HDAC6: variants seen among roughly 807,000 people sequenced by gnomAD.
HDAC6 encodes histone deacetylase 6, also known as protein deacetylase HDAC6.
A neutral mutation model predicts 88.9 loss-of-function variants in HDAC6; 5 were observed. The ratio of observed to expected loss-of-function variants is 0.06; its 90% CI spans 0.03 to 0.12. The LOEUF is 0.12. Ranked by LOEUF, HDAC6 falls within the 10% of genes least tolerant of loss-of-function variation. The probability of loss-of-function intolerance (pLI) is 1.00; values close to 1 mark genes in which losing one functional copy is unlikely to be tolerated. For missense variants in HDAC6, 706 were observed against 1,014.4 expected (o/e 0.70, Z 4.13); for synonymous variants, 378 against 398.0 (o/e 0.95, Z 0.60).
chrX:48,817,204 A>G (rs1324681775), intron 19 of HDAC6, 122 bp from the exon 20 acceptor site: 2 of 803,067 alleles, frequency 2.5e-6, no homozygotes, highest in African/African-American at 4.4e-5. Flanking sequence ...GTGAGCCGAG[A>G]TGGCGCCACT....
chrX:48,813,739 A>T (rs781964171), intron 10 of HDAC6: 1 of 111,658 alleles, frequency 9.0e-6, no homozygotes, highest in South Asian at 3.7e-4. Context: ...AAAATAGAAG[A>T]AGTAGTAGAG....
rs2062954522 is a variant in HDAC6 at position 48,814,685 on chromosome X, G to A, written c.944G>A (p.Arg315Gln). 3.3e-6 allele frequency: 4 copies of A among 1,210,357 alleles called. No individual in the cohort carries two copies. Among genetic ancestry groups the A allele is most frequent in the East Asian group, 3.0e-5 (1 of 33,803 alleles). Residue 315 changes from arginine (R) to glutamine (Q), a missense_variant, in exon 12 of 29, where the codon CGG (arginine) becomes CAG (glutamine). Arg to Gln is a conservative substitution (Grantham distance 43). This residue lies in a region of HDAC6 where 10 missense variants were observed against 36.4 expected (regional missense o/e 0.27). Transcript: ENST00000334136. The part of the protein sequence containing the change: ...INVPWNQVGM[R>Q]DADYIAAFLH... ...CTCCTGTGTCTGCAGGTGGGGATGCGGGATGCTGACTACATTGCTGCTTTC... is the reference window on the plus strand; with the variant it reads ...CTCCTGTGTCTGCAGGTGGGGATGCAGGATGCTGACTACATTGCTGCTTTC...
At chrX:48,822,583 CCCA>C in intron 23 of HDAC6, 34 bp from the exon 24 acceptor site, 1 of 1,074,631 alleles carries the variant, frequency 9.3e-7, no homozygotes, top group Non-Finnish European at 1.2e-6. Flanking sequence ...CCAATGAACC[CCCA>C]CCATACCTTT....
chrX:48,814,129 G>C (rs2062943494), intron 10 of HDAC6: 2 of 278,502 alleles, frequency 7.2e-6, no homozygotes, highest in East Asian at 8.3e-5. Flanking sequence ...GGGCACTGAG[G>C]GGGCAGCGAT....
In HDAC6 at chrX:48,823,666, G is replaced by A; in HGVS notation, c.3190-6G>A. On this transcript the variant is annotated splice_region_variant and splice_polypyrimidine_tract_variant and intron_variant, in intron 25 of 28. Transcript: ENST00000334136. ...TCTGATACATCTCTTACTTCTGCGT[G>A]TCCAGGGGGCCTCAGAATCTCAGGC... The A allele has an allele frequency of 8.3e-7, 1 of 1,201,102 alleles. No individual in the cohort carries two copies. Among genetic ancestry groups the A allele is most frequent in the Non-Finnish European group, 1.1e-6 (1 of 887,505 alleles).
Position 48,808,294 on chromosome X carries a change from A to G in HDAC6, c.774A>G (p.Gln258=). Residue 258 remains glutamine (Q), a synonymous_variant, in exon 10 of 29, where the codon CAA becomes CAG. Transcript: ENST00000334136. ...TAGATTGGGATGTGCACCACGGTCA[A>G]GGAACACAGTTCACCTTCGACCAGG... ...LIVDWDVHHG[Q]GTQFTFDQDP... is the part of the protein sequence containing the mutation. The G allele has an allele frequency of 8.3e-7, 1 of 1,208,134 alleles. No individual in the cohort carries two copies. The highest frequency in any genetic ancestry group is 1.1e-6 in the Non-Finnish European group (1 of 893,306).
rs1308996865 is a variant in HDAC6 at position 48,813,662 on chromosome X, A to G, written c.807-778A>G. On this transcript the variant is annotated intron_variant, in intron 10 of 28. Coordinates refer to ENST00000334136, the MANE Select transcript of HDAC6 (RefSeq NM_006044.4). The stretch of plus-strand genomic sequence containing the variant: ...CTTTCTGTCAAAACACGTGCATCGC[A>G]TCTTTTCAGTATCTGTTTTGCGTGT... 5.4e-5 allele frequency: 6 copies of G among 112,024 alleles called. No homozygotes were observed. The Admixed American group carries it at 5.7e-4, about 11-fold the overall frequency. 9.2% of individuals were successfully genotyped at this position (112,024 alleles called of 1,213,427 possible).
chrX:48,824,348 C>T, intron 28 of HDAC6, 54 bp downstream of exon 28: 2 of 1,180,119 alleles, frequency 1.7e-6, no homozygotes, highest in Non-Finnish European at 2.3e-6. Flanking sequence ...CACACACACA[C>T]CCCTTCTGTG....
chrX:48,808,088 C>G lies in HDAC6; in HGVS notation c.688C>G (p.His230Asp). 1 of 1,208,280 alleles carries G rather than the reference C, an allele frequency of 8.3e-7. No individual in the cohort carries two copies. The highest frequency in any genetic ancestry group is 1.1e-6 in the Non-Finnish European group (1 of 893,635). ...TATGGATGGCTATTGCATGTTCAAC[C>G]ACGTGGCTGTGGCAGCCCGCTATGC... ...SLMDGYCMFNHVAVAARYAQQ... is the reference protein window; with the variant it reads ...SLMDGYCMFNDVAVAARYAQQ... Residue 230 changes from histidine to aspartate, a missense_variant, in exon 9 of 29, where the codon CAC (histidine) becomes GAC (aspartate). Physicochemically the swap from His to Asp is moderately conservative, Grantham distance 81. Around this residue, in one of 9 missense-constraint regions of HDAC6, gnomAD observed 193 missense variants for 258.2 expected, o/e 0.75. Coordinates refer to ENST00000334136, the MANE Select transcript of HDAC6 (RefSeq NM_006044.4).
At chrX:48,802,529 A>T in intron 1 of HDAC6, 134 bp from the exon 2 acceptor site, 2 of 1,103,425 alleles carry the variant, frequency 1.8e-6, no homozygotes, top group Non-Finnish European at 2.4e-6. Context: ...CGGAGTTTGG[A>T]AGGCTGTGGA....
Position 48,816,511 on chromosome X carries a change from C to T in HDAC6, c.1669C>T (p.Arg557Trp), listed in dbSNP as rs782310288. The T allele has an allele frequency of 3.3e-6, 4 of 1,208,719 alleles. No homozygotes were observed. Among genetic ancestry groups the T allele is most frequent in the Admixed American group, 2.2e-5 (1 of 45,818 alleles). Residue 557 changes from arginine (R) to tryptophan (W), a missense_variant, in exon 19 of 29, where the codon CGG (arginine) becomes TGG (tryptophan). Transcript: ENST00000334136. ...HLRATEKMKT[R>W]ELHRESSNFD... ...CCGGGCCACAGAGAAAATGAAAACCCGGGAGCTGCACCGTGAGAGTTCCAA... is the reference window on the plus strand; with the variant it reads ...CCGGGCCACAGAGAAAATGAAAACCTGGGAGCTGCACCGTGAGAGTTCCAA...
At position 48,816,138 on chromosome X, in the gene HDAC6, T is replaced by C; in HGVS notation, c.1494-3T>C. 1 of 1,211,512 alleles carries C rather than the reference T, an allele frequency of 8.3e-7. No individual in the cohort carries two copies. The highest frequency in any genetic ancestry group is 1.1e-6 in the Non-Finnish European group (1 of 895,448). On this transcript the variant is annotated splice_region_variant and splice_polypyrimidine_tract_variant and intron_variant, in intron 17 of 28. Transcript: ENST00000334136. ...CCTCTACCTCTCGTTTCCCCACTGC[T>C]AGCCACCACCCTGAGGTACCCCAGC... is the stretch of plus-strand genomic sequence containing the variant.
intron 23 of HDAC6, 126 bp from the exon 24 acceptor site, chrX:48,822,494 G>A: frequency 2.1e-6 from 1 of 480,849 alleles, no homozygotes; most frequent in Non-Finnish European, 3.4e-6. Context: ...CTTGTTCTCA[G>A]TACTCCCCCT....
chrX:48,818,427 A>G lies in HDAC6; in HGVS notation c.2187+15A>G. ...TTGCCTACGAGGTACAGCTCAGGAT[A>G]GATCGCAGGACGTATGTGACACGCC... On this transcript the variant is annotated intron_variant, in intron 22 of 28. Transcript: ENST00000334136. 8.8e-7 allele frequency: 1 copy of G among 1,139,837 alleles called. No individual in the cohort carries two copies. The highest frequency in any genetic ancestry group is 2.1e-5 in the South Asian group (1 of 46,738). The allele number at this position is 1,139,837 out of a possible 1,213,427, so 93.9% of individuals were successfully genotyped here.
chrX:48,815,523 C>A, intron 15 of HDAC6, 33 bp downstream of exon 15: 1 of 1,194,227 alleles, frequency 8.4e-7, no homozygotes, highest in Non-Finnish European at 1.1e-6. Flanking sequence ...AAAGCGGGAG[C>A]CTCACTGCCC....
intron 8 of HDAC6, among the ~76,000 whole-genome samples, chrX:48,807,808 G>A (rs1475350477): frequency 4.5e-5 from 5 of 112,139 alleles, no homozygotes; most frequent in African/African-American, 6.5e-5. Flanking sequence ...CACCGCACCC[G>A]GCCTTTATCA....
Position 48,811,991 on chromosome X carries a change from C to T in HDAC6, c.807-2449C>T, listed in dbSNP as rs781800052. Among the ~76,000 whole-genome samples the T allele has an allele frequency of 2.7e-5, 3 of 112,500 alleles. No individual in the cohort carries two copies. The South Asian group carries it at 1.1e-3, about 41-fold the overall frequency. On this transcript the variant is annotated intron_variant, in intron 10 of 28. Transcript: ENST00000334136. ...CTCCTGTAAATATTTCAGAATGCAT[C>T]TCTAAAACATAAGTACACTTTTTTA... is the stretch of plus-strand genomic sequence containing the variant.
intron 1 of HDAC6, 147 bp downstream of exon 1, chrX:48,802,289 G>C: frequency 1.1e-6 from 1 of 889,434 alleles, no homozygotes; most frequent in East Asian, 7.8e-5. Flanking sequence ...GAAGGAATGG[G>C]GTCTGGGCTG....
chrX:48,810,898 CA>C (rs1194552651), intron 10 of HDAC6: 2 of 111,634 alleles, frequency 1.8e-5, no homozygotes, highest in African/African-American at 6.5e-5. Context: ...ACTTTATCTT[CA>C]AGCCCTTCTG....
Sources: allele counts gnomAD v4.1 joint callset (sites outside exome capture counted in the v4.1 genomes callset), GRCh38; gene constraint gnomAD v4.1.1; regional missense constraint gnomAD v4.1.1; transcripts MANE v1.5; gene names NCBI Gene and HGNC (gene_info 2026-07-23, HGNC 2026-07-21).